The following ATP6V1H variants were observed in gnomAD, a reference collection of about 807,000 sequenced individuals.
ATP6V1H encodes the protein V-type proton ATPase subunit H.
In ATP6V1H, 39 loss-of-function variants were observed where a neutral mutation model predicts 71.7. The ratio of observed to expected loss-of-function variants is 0.54; its 90% CI spans 0.42 to 0.71. The LOEUF (loss-of-function observed/expected upper bound fraction) is 0.71, where lower values mean the gene tolerates loss of function less well. ATP6V1H is among the 30% of genes least tolerant of loss of function. The probability of loss-of-function intolerance (pLI) is 0.00; values close to 1 mark genes in which losing one functional copy is unlikely to be tolerated. For missense variants in ATP6V1H, 509 were observed against 594.9 expected (o/e 0.86, Z 1.50); for synonymous variants, 192 against 199.3 (o/e 0.96, Z 0.31).
chr8:53,794,591 C>T (rs1467876090), intron 9 of ATP6V1H, among the ~76,000 whole-genome samples: 5 of 152,176 alleles, frequency 3.3e-5, no homozygotes, highest in African/African-American at 9.7e-5. Flanking sequence ...GTCTCGATCT[C>T]CTGACCTCAG....
At chr8:53,732,661 AAAAAAAAAAAG>A (rs1191828332) in intron 13 of ATP6V1H, among the ~76,000 whole-genome samples, 2 of 150,266 alleles carry the variant, frequency 1.3e-5, no homozygotes, top group Admixed American at 6.6e-5. Context: ...CTTATTGCAA[AAAAAAAAAAAG>A]AAAAAAAAAA....
At chr8:53,775,894 C>G (rs967880405) in intron 9 of ATP6V1H, among the ~76,000 whole-genome samples, 1 of 152,242 alleles carries the variant, frequency 6.6e-6, no homozygotes, top group Non-Finnish European at 1.5e-5. Context: ...CTGCGCCATG[C>G]GCTCGCACTC....
At chr8:53,799,617 G>A (rs954229873) in intron 8 of ATP6V1H, among the ~76,000 whole-genome samples, 1 of 152,110 alleles carries the variant, frequency 6.6e-6, no homozygotes, top group Admixed American at 6.6e-5. Context: ...CAAACATGTG[G>A]CTTATGCTGA....
At chr8:53,757,247 A>T (rs559676243) in intron 11 of ATP6V1H, among the ~76,000 whole-genome samples, 1 of 152,170 alleles carries the variant, frequency 6.6e-6, no homozygotes, top group Admixed American at 6.5e-5. Flanking sequence ...CTGGAGCCTG[A>T]CGGGTACTTC....
Position 53,827,168 on chromosome 8 carries a change from G to A in ATP6V1H, c.306+2276C>T, listed in dbSNP as rs552025487. On this transcript the variant is annotated intron_variant, in intron 4 of 13. Coordinates refer to ENST00000359530, the MANE Select transcript of ATP6V1H (RefSeq NM_015941.4). Reference sequence around the variant, plus strand: ...AGGCCGAGGTGGGCAGATCACCTAAGGTCAGGAGTTTTGAGACCAGCCTGG... The same window carrying A: ...AGGCCGAGGTGGGCAGATCACCTAAAGTCAGGAGTTTTGAGACCAGCCTGG... Among the ~76,000 whole-genome samples, 518 of 152,038 alleles carry A rather than the reference G, an allele frequency of 3.4e-3. 33 individuals carry two copies. The South Asian group carries it at 0.1, about 30-fold the overall frequency.
In ATP6V1H at chr8:53,841,735, T is replaced by G; in HGVS notation, c.-35-10A>C. On this transcript the variant is annotated splice_polypyrimidine_tract_variant and intron_variant, in intron 1 of 13. Coordinates refer to ENST00000359530, the MANE Select transcript of ATP6V1H (RefSeq NM_015941.4). ...ATGTCTTTCAACAAATCTTCAATTT[T>G]GATGCAAGGTAAAAACAGAATACGA... The G allele has an allele frequency of 6.2e-7, 1 of 1,604,064 alleles. No homozygotes were observed. The highest frequency in any genetic ancestry group is 1.1e-5 in the South Asian group (1 of 89,410).
intron 4 of ATP6V1H, among the ~76,000 whole-genome samples, chr8:53,827,983 G>C (rs1368353232): frequency 6.6e-6 from 1 of 152,142 alleles, no homozygotes; most frequent in East Asian, 1.9e-4. Context: ...TGGAGTATAT[G>C]TACGTTTTCT....
In ATP6V1H at chr8:53,715,915, T is replaced by C; in HGVS notation, c.*49A>G. 1 of 1,541,508 alleles carries C rather than the reference T, an allele frequency of 6.5e-7. No individual in the cohort carries two copies. The highest frequency in any genetic ancestry group is 1.2e-5 in the South Asian group (1 of 85,176). ...TCACTCTTAACTCTAAACACAGTGC[T>C]CCCACTACTGGTTCTGCATTGAGGC... On this transcript the variant is annotated 3_prime_UTR_variant, in exon 14 of 14. Coordinates refer to ENST00000359530, the MANE Select transcript of ATP6V1H (RefSeq NM_015941.4).
chr8:53,812,445 T>C (rs1050532234), intron 6 of ATP6V1H, among the ~76,000 whole-genome samples: 2 of 152,242 alleles, frequency 1.3e-5, no homozygotes, highest in African/African-American at 4.8e-5. Flanking sequence ...GAGAGAAATA[T>C]TCCTCCCAGT....
intron 4 of ATP6V1H, among the ~76,000 whole-genome samples, chr8:53,819,982 C>T (rs1384672051): frequency 1.3e-5 from 2 of 151,608 alleles, no homozygotes; most frequent in African/African-American, 4.8e-5. Context: ...CTCAGGATAA[C>T]AAGACAGAGA....
At chr8:53,806,517 C>A (rs1198969197) in intron 7 of ATP6V1H, among the ~76,000 whole-genome samples, 3 of 151,918 alleles carry the variant, frequency 2.0e-5, no homozygotes, top group African/African-American at 7.2e-5. Context: ...ATCTAATGTG[C>A]TTAATCCAGT....
chr8:53,795,120 C>T (rs1470110571), intron 9 of ATP6V1H, among the ~76,000 whole-genome samples: 2 of 152,132 alleles, frequency 1.3e-5, no homozygotes, highest in Non-Finnish European at 2.9e-5. Flanking sequence ...CCTAGGATTT[C>T]GATTCTAGCT....
chr8:53,751,146 G>A (rs41321146), intron 12 of ATP6V1H, among the ~76,000 whole-genome samples: 4 of 152,038 alleles, frequency 2.6e-5, no homozygotes, highest in South Asian at 2.1e-4. Flanking sequence ...ATTGGTGTCC[G>A]TGTTGCTAAG....
chr8:53,724,178 C>T (rs1806724079), intron 13 of ATP6V1H, among the ~76,000 whole-genome samples: 1 of 152,164 alleles, frequency 6.6e-6, no homozygotes, highest in African/African-American at 2.4e-5. Flanking sequence ...AGACTTTTCT[C>T]AAACTCTGAA....
At chr8:53,767,853 C>T (rs969332511) in intron 11 of ATP6V1H, among the ~76,000 whole-genome samples, 2 of 152,146 alleles carry the variant, frequency 1.3e-5, no homozygotes, top group Non-Finnish European at 2.9e-5. Flanking sequence ...AGAACTAAAT[C>T]TATAAAAATA....
chr8:53,822,746 T>C (rs1810701867), intron 4 of ATP6V1H, among the ~76,000 whole-genome samples: 1 of 152,058 alleles, frequency 6.6e-6, no homozygotes, highest in Non-Finnish European at 1.5e-5. Context: ...ATCTATACTG[T>C]ATACAAAAGA....
rs545635764 is a variant in ATP6V1H at position 53,839,729 on chromosome 8, T to C, written c.113+1849A>G. 1.3e-5 allele frequency: 13 copies of C among 985,300 alleles called. No homozygotes were observed. The East Asian group carries it at 7.9e-4, about 60-fold the overall frequency. The allele number at this position is 985,300 out of a possible 1,614,324, so 61.0% of individuals were successfully genotyped here. ...CCAACACCTACAGCTCCTTGGAAAA[T>C]GGTGAATGGTCTCAAAAAGAGGGCT... On this transcript the variant is annotated intron_variant, in intron 2 of 13. Transcript: ENST00000359530.
At chr8:53,831,416 C>T (rs1371991307) in intron 3 of ATP6V1H, among the ~76,000 whole-genome samples, 1 of 152,242 alleles carries the variant, frequency 6.6e-6, no homozygotes, top group Non-Finnish European at 1.5e-5. Flanking sequence ...GTAGTATAAT[C>T]TTACAAGACC....
intron 2 of ATP6V1H, 46 bp from the exon 3 acceptor site, chr8:53,833,132 G>A (rs373541691): frequency 1.6e-4 from 233 of 1,475,280 alleles, no homozygotes; most frequent in Non-Finnish European, 2.1e-4. Flanking sequence ...AGTTGAATAT[G>A]TAAGCAAGCG....
Sources: allele counts gnomAD v4.1 joint callset (sites outside exome capture counted in the v4.1 genomes callset), GRCh38; gene constraint gnomAD v4.1.1; transcripts MANE v1.5; gene names NCBI Gene and HGNC (gene_info 2026-07-23, HGNC 2026-07-21).